Variants in AGMO observed in about 807,000 individuals in gnomAD.
The protein encoded by AGMO is alkylglycerol monooxygenase.
Under a neutral mutation model 60.2 loss-of-function variants are expected in AGMO, and 75 were observed. The observed-to-expected ratio is 1.25, with a 90% CI of 1.03 to 1.51. The LOEUF is 1.51. AGMO is among the 40% of genes most tolerant of loss of function. The pLI is 0.00. For synonymous variants in AGMO, 261 were observed against 177.1 expected, an observed-to-expected ratio of 1.47 and a Z score of -3.76; for missense variants, 763 against 525.5, an observed-to-expected ratio of 1.45 and a Z score of -4.42.
At position 15,493,362 on chromosome 7, in the gene AGMO, C is replaced by CACACA. The variant is rs71004386; in HGVS notation, c.409+51409_409+51410insTGTGT. On this transcript the variant is annotated intron_variant, in intron 3 of 12. Transcript: ENST00000342526. ...ACACACACACACACACACACACACA[C>CACACA]TTCTTTTTTTTTTTTTTTTTTTTTT... is the stretch of plus-strand genomic sequence containing the variant. Among the ~76,000 whole-genome samples, 12 of 102,250 alleles carry CACACA rather than the reference C, an allele frequency of 1.2e-4. 1 individual carries two copies. Among genetic ancestry groups the CACACA allele is most frequent in the South Asian group, 3.1e-4 (1 of 3,194 alleles). The allele number at this position is 102,250 out of a possible 152,430, so 67.1% of individuals were successfully genotyped here.
Position 15,394,233 on chromosome 7 carries a change from A to T in AGMO, c.610-54T>A, listed in dbSNP as rs188121186. ...ATGTAGTTATCATTAAATGTGTGTT[A>T]GTATATAAATGCTCACATTAGAAAC... On this transcript the variant is annotated intron_variant, in intron 5 of 12. Transcript: ENST00000342526. 4.5e-4 allele frequency: 568 copies of T among 1,262,046 alleles called. 4 individuals are homozygous for T. In the African/African-American group the frequency reaches 7.4e-3, roughly 16 times the overall value. 78.2% of individuals were successfully genotyped at this position (1,262,046 alleles called of 1,614,324 possible).
intron 12 of AGMO, among the ~76,000 whole-genome samples, chr7:15,297,474 G>C (rs1318272279): frequency 6.6e-6 from 1 of 152,124 alleles, no homozygotes; most frequent in African/African-American, 2.4e-5. Flanking sequence ...AATGACTCAT[G>C]AGTGCTTGCC....
chr7:15,220,672 T>A (rs1235798593), intron 12 of AGMO, among the ~76,000 whole-genome samples: 1 of 151,846 alleles, frequency 6.6e-6, no homozygotes, highest in African/African-American at 2.4e-5. Flanking sequence ...TATGAATATA[T>A]AAATTATCTT....
chr7:15,316,317 G>A (rs1256102657), intron 12 of AGMO, among the ~76,000 whole-genome samples: 1 of 152,106 alleles, frequency 6.6e-6, no homozygotes, highest in Non-Finnish European at 1.5e-5. Flanking sequence ...CTGATGTAGG[G>A]CAATTGGCTT....
the AGMO span, among the ~76,000 whole-genome samples, chr7:15,192,164 C>T: frequency 6.6e-6 from 1 of 151,982 alleles, no homozygotes; most frequent in Non-Finnish European, 1.5e-5. Context: ...CGACCAAAGG[C>T]CCCACCTTCG....
At position 15,390,667 on chromosome 7, in the gene AGMO, T is replaced by G. The variant is rs1410507918; in HGVS notation, c.822+4A>C. ...GAAGAAAGAATAAAAAACAAGTATG[T>G]TACCTGCACTTTGATTGGTTCAAAT... On this transcript the variant is annotated splice_donor_region_variant and intron_variant, in intron 8 of 12. Coordinates refer to ENST00000342526, the MANE Select transcript of AGMO (RefSeq NM_001004320.2). 6.3e-7 allele frequency: 1 copy of G among 1,574,832 alleles called. No homozygotes were observed. The highest frequency in any genetic ancestry group is 1.4e-5 in the African/African-American group (1 of 73,900).
the AGMO span, among the ~76,000 whole-genome samples, chr7:15,118,688 C>T: frequency 6.6e-6 from 1 of 152,008 alleles, no homozygotes; most frequent in African/African-American, 2.4e-5. Flanking sequence ...CACTGATTAT[C>T]TCTGCTAAAG....
intron 3 of AGMO, among the ~76,000 whole-genome samples, chr7:15,495,830 C>G (rs1347850983): frequency 1.1e-5 from 1 of 95,170 alleles, no homozygotes; most frequent in African/African-American, 2.9e-5. Context: ...CTCTCTCTCT[C>G]TCTCTCTCTC....
chr7:15,246,743 A>G lies in AGMO; in HGVS notation c.1264-45384T>C, dbSNP rs538473992. Among the ~76,000 whole-genome samples the G allele has an allele frequency of 5.0e-4, 76 of 152,186 alleles. 2 individuals carry two copies. The South Asian group carries it at 0.011, about 22-fold the overall frequency. On this transcript the variant is annotated intron_variant, in intron 12 of 12. Transcript: ENST00000342526. ...CTAGCACTTCTCACTTTCTACCTTTAAACAGGCCTAAGATTCTCTCAACCT... is the reference window on the plus strand; with the variant it reads ...CTAGCACTTCTCACTTTCTACCTTTGAACAGGCCTAAGATTCTCTCAACCT...
intron 4 of AGMO, among the ~76,000 whole-genome samples, chr7:15,424,528 G>A (rs574501317): frequency 6.6e-6 from 1 of 152,116 alleles, no homozygotes; most frequent in East Asian, 1.9e-4. Flanking sequence ...GAAAATCAGA[G>A]AATAATTTTA....
At chr7:15,120,250 A>T in the AGMO span, among the ~76,000 whole-genome samples, 1 of 152,048 alleles carries the variant, frequency 6.6e-6, no homozygotes, top group Non-Finnish European at 1.5e-5. Context: ...CTCCACTAAA[A>T]ATGCTTTCCC....
At chr7:15,368,160 G>C (rs1366126829) in intron 10 of AGMO, among the ~76,000 whole-genome samples, 1 of 151,896 alleles carries the variant, frequency 6.6e-6, no homozygotes, top group East Asian at 1.9e-4. Flanking sequence ...CACAATGATA[G>C]GTATTAGATA....
chr7:15,360,821 G>C (rs1438712897), intron 12 of AGMO, among the ~76,000 whole-genome samples: 1 of 152,132 alleles, frequency 6.6e-6, no homozygotes, highest in Non-Finnish European at 1.5e-5. Context: ...TCTTAAGGCA[G>C]GCAGTTCTGA....
intron 12 of AGMO, among the ~76,000 whole-genome samples, chr7:15,296,617 T>G (rs1784415867): frequency 6.6e-6 from 1 of 152,132 alleles, no homozygotes; most frequent in African/African-American, 2.4e-5. Context: ...TAAATAACAT[T>G]TGTAATAATA....
Position 15,362,114 on chromosome 7 carries a change from C to G in AGMO, c.1263+3400G>C, listed in dbSNP as rs531679622. Among the ~76,000 whole-genome samples the G allele has an allele frequency of 5.3e-5, 8 of 152,098 alleles. No individual in the cohort carries two copies. The South Asian group carries it at 1.7e-3, about 32-fold the overall frequency. On this transcript the variant is annotated intron_variant, in intron 12 of 12. Coordinates refer to ENST00000342526, the MANE Select transcript of AGMO (RefSeq NM_001004320.2). ...GTCACTGAGGCCATTTATTAGGTTTCTATACTTATTGTTTGAAGAACAGTT... is the reference window on the plus strand; with the variant it reads ...GTCACTGAGGCCATTTATTAGGTTTGTATACTTATTGTTTGAAGAACAGTT...
the AGMO span, among the ~76,000 whole-genome samples, chr7:15,171,130 C>T: frequency 1.1e-3 from 174 of 152,084 alleles, 2 homozygotes; most frequent in African/African-American, 3.9e-3. Flanking sequence ...TGCAGGCGCC[C>T]GCCACCACGC....
chr7:15,488,567 T>C (rs1398635016), intron 3 of AGMO, among the ~76,000 whole-genome samples: 26 of 152,162 alleles, frequency 1.7e-4, no homozygotes, highest in Admixed American at 1.5e-3. Context: ...TGGCAAAATA[T>C]AGGGAATTAT....
the AGMO span, among the ~76,000 whole-genome samples, chr7:15,138,370 A>C: frequency 6.6e-6 from 1 of 152,198 alleles, no homozygotes; most frequent in Admixed American, 6.5e-5. Flanking sequence ...AGAGTTAAGC[A>C]CAAAGCATGT....
intron 3 of AGMO, among the ~76,000 whole-genome samples, chr7:15,481,406 T>C (rs909673785): frequency 5.3e-5 from 8 of 152,016 alleles, no homozygotes; most frequent in African/African-American, 1.7e-4. Context: ...GAAGAAGAGC[T>C]AGACAGTTTC....
Sources: gnomAD v4.1 joint callset for allele counts (sites outside exome capture counted in the v4.1 genomes callset) on GRCh38, gnomAD v4.1.1 for gene constraint, MANE v1.5 for transcripts, NCBI Gene and HGNC (gene_info 2026-07-23, HGNC 2026-07-21) for gene names.